TGM6: variants seen among roughly 807,000 people sequenced by gnomAD.
TGM6 encodes protein-glutamine gamma-glutamyltransferase 6.
TGM6 carries 74 observed loss-of-function variants against 77.5 expected under a neutral mutation model. The observed-to-expected ratio is 0.96, with a 90% CI of 0.79 to 1.16. The LOEUF is 1.16. Ranked by LOEUF, TGM6 falls within the 50% of genes most tolerant of loss-of-function variation. The probability of loss-of-function intolerance (pLI) is 0.00; values close to 1 mark genes in which losing one functional copy is unlikely to be tolerated. For missense variants in TGM6, 968 were observed against 940.2 expected, an observed-to-expected ratio of 1.03 and a Z score of -0.39; for synonymous variants, 383 against 378.9, an observed-to-expected ratio of 1.01 and a Z score of -0.12.
At chr20:2,407,039 T>C (rs773365513) in intron 9 of TGM6, among the ~76,000 whole-genome samples, 13 of 152,148 alleles carry the variant, frequency 8.5e-5, no homozygotes, top group South Asian at 6.2e-4. Context: ...AGTACAAAGT[T>C]TATTTTACAG....
intron 10 of TGM6, among the ~76,000 whole-genome samples, chr20:2,422,111 G>A (rs62192919): frequency 0.22 from 33,371 of 151,906 alleles, 4,148 homozygotes; most frequent in African/African-American, 0.34. Flanking sequence ...CAGCCTGGGC[G>A]ATAGAGCAAG....
Position 2,394,445 on chromosome 20 carries a change from C to T in TGM6, c.8-7C>T. 2 of 1,611,318 alleles carry T rather than the reference C, an allele frequency of 1.2e-6. No individual in the cohort carries two copies. Among genetic ancestry groups the T allele is most frequent in the South Asian group, 1.1e-5 (1 of 90,980 alleles). ...TGGCCTCATCTCCCTGTCCTCTCCC[C>T]ACCCAGGGATCAGAGTCACCAAGGT... On this transcript the variant is annotated splice_region_variant and splice_polypyrimidine_tract_variant and intron_variant, in intron 1 of 12. Transcript: ENST00000202625.
At chr20:2,429,165 T>A (rs1002555101) in intron 10 of TGM6, among the ~76,000 whole-genome samples, 31 of 152,262 alleles carry the variant, frequency 2.0e-4, no homozygotes, top group East Asian at 7.7e-4. Context: ...TAAAGGTTCT[T>A]CCAATAATGA....
intron 10 of TGM6, 114 bp downstream of exon 10, chr20:2,417,687 A>G (rs2084828260): frequency 1.7e-6 from 2 of 1,198,910 alleles, no homozygotes; most frequent in Non-Finnish European, 2.4e-6. Context: ...GGAAGGGGAC[A>G]TTCCTGAGCA....
intron 9 of TGM6, among the ~76,000 whole-genome samples, chr20:2,409,480 G>A (rs1234690407): frequency 1.3e-5 from 2 of 152,142 alleles, no homozygotes; most frequent in Non-Finnish European, 2.9e-5. Flanking sequence ...GGGAGGCCGA[G>A]GTGTGCAGAT....
At chr20:2,381,275 G>A (rs1286262726) in intron 1 of TGM6, among the ~76,000 whole-genome samples, 1 of 152,142 alleles carries the variant, frequency 6.6e-6, no homozygotes, top group Non-Finnish European at 1.5e-5. Flanking sequence ...GGCAGGGGCA[G>A]AAAAAAGAAA....
chr20:2,430,826 C>A, intron 11 of TGM6, 68 bp from the exon 12 acceptor site: 2 of 1,613,236 alleles, frequency 1.2e-6, no homozygotes, highest in African/African-American at 2.7e-5. Flanking sequence ...TCTAACTCAG[C>A]CAGGACCATC....
At chr20:2,406,894 T>G (rs953412254) in intron 9 of TGM6, among the ~76,000 whole-genome samples, 3 of 138,320 alleles carry the variant, frequency 2.2e-5, no homozygotes, top group African/African-American at 7.7e-5. Flanking sequence ...ATTAACATCC[T>G]GTTACATGAT....
Position 2,402,507 on chromosome 20 carries a change from T to C in TGM6, c.990-890T>C, listed in dbSNP as rs549460845. Among the ~76,000 whole-genome samples the C allele has an allele frequency of 4.6e-5, 7 of 152,320 alleles. No individual in the cohort carries two copies. The South Asian group carries it at 1.5e-3, about 32-fold the overall frequency. ...ATGCAGAAAGCACAGACACTTCATT[T>C]TGATGTTGGGGACTCTGTCACCACC... On this transcript the variant is annotated intron_variant, in intron 7 of 12. Coordinates refer to ENST00000202625, the MANE Select transcript of TGM6 (RefSeq NM_198994.3).
At chr20:2,401,422 C>G (rs938684950) in intron 7 of TGM6, among the ~76,000 whole-genome samples, 1 of 152,186 alleles carries the variant, frequency 6.6e-6, no homozygotes, top group African/African-American at 2.4e-5. Flanking sequence ...ACATACATAC[C>G]TACAGTGCCT....
intron 10 of TGM6, among the ~76,000 whole-genome samples, chr20:2,423,077 G>A (rs779086454): frequency 6.6e-6 from 1 of 151,674 alleles, no homozygotes; most frequent in Non-Finnish European, 1.5e-5. Flanking sequence ...GGTTTGACAG[G>A]ATTGACTCCA....
At chr20:2,385,094 C>T (rs116055849) in intron 1 of TGM6, among the ~76,000 whole-genome samples, 9 of 152,234 alleles carry the variant, frequency 5.9e-5, no homozygotes, top group African/African-American at 1.9e-4. Context: ...ACCATGATCA[C>T]GTATTCACCA....
rs367949809 is a variant in TGM6 at position 2,430,613 on chromosome 20, T to C, written c.1833+13T>C. ...CATCACCATCAAGGTGACCTCAGCC[T>C]GCATCTACCATGCTGTTCCTAGTGG... On this transcript the variant is annotated intron_variant, in intron 11 of 12. Coordinates refer to ENST00000202625, the MANE Select transcript of TGM6 (RefSeq NM_198994.3). 2 of 1,613,772 alleles carry C rather than the reference T, an allele frequency of 1.2e-6. No homozygotes were observed. Among genetic ancestry groups the C allele is most frequent in the Non-Finnish European group, 1.7e-6 (2 of 1,180,042 alleles).
At chr20:2,421,020 C>T (rs1440991030) in intron 10 of TGM6, among the ~76,000 whole-genome samples, 1 of 151,984 alleles carries the variant, frequency 6.6e-6, no homozygotes, top group Non-Finnish European at 1.5e-5. Context: ...CAGAGTCTCG[C>T]TCCGTCACCA....
chr20:2,394,692 C>T (rs2122346008), intron 2 of TGM6, 67 bp downstream of exon 2: 30 of 1,515,018 alleles, frequency 2.0e-5, no homozygotes, highest in Non-Finnish European at 2.5e-5. Flanking sequence ...GACTCAGTAA[C>T]ATAAGACCTT....
At chr20:2,416,751 A>T (rs755854864) in intron 9 of TGM6, among the ~76,000 whole-genome samples, 22 of 152,142 alleles carry the variant, frequency 1.4e-4, no homozygotes, top group Non-Finnish European at 2.5e-4. Flanking sequence ...CCTCAAGACC[A>T]TTATTGCCAT....
At chr20:2,396,791 C>G (rs925766145) in intron 4 of TGM6, among the ~76,000 whole-genome samples, 167 bp downstream of exon 4, 1 of 152,200 alleles carries the variant, frequency 6.6e-6, no homozygotes, top group Non-Finnish European at 1.5e-5. Context: ...GGGCCAGGGC[C>G]TGCACTGGGT....
intron 1 of TGM6, among the ~76,000 whole-genome samples, chr20:2,381,492 C>T (rs1045870565): frequency 2.6e-5 from 4 of 152,180 alleles, no homozygotes; most frequent in African/African-American, 9.7e-5. Context: ...CCCTTGGTAC[C>T]TCTGTTTTCT....
At position 2,428,873 on chromosome 20, in the gene TGM6, G is replaced by C. The variant is rs183081010; in HGVS notation, c.1679-1573G>C. Among the ~76,000 whole-genome samples, 15 of 152,186 alleles carry C rather than the reference G, an allele frequency of 9.9e-5. 1 individual carries two copies. Among genetic ancestry groups the C allele is most frequent in the African/African-American group, 3.6e-4 (15 of 41,532 alleles). On this transcript the variant is annotated intron_variant, in intron 10 of 12. Transcript: ENST00000202625. ...GAGTCTCTCTCTGTCGCTCAGGCTG[G>C]AGTGCAGTGGCGCAATCTCAGCTCA...
Sources: allele counts gnomAD v4.1 joint callset (sites outside exome capture counted in the v4.1 genomes callset), GRCh38; gene constraint gnomAD v4.1.1; transcripts MANE v1.5; gene names NCBI Gene and HGNC (gene_info 2026-07-23, HGNC 2026-07-21).